SDK1: variants seen among roughly 807,000 people sequenced by gnomAD.
SDK1 encodes sidekick cell adhesion molecule 1.
In SDK1, 157 loss-of-function variants were observed where a neutral mutation model predicts 245.5. The observed-to-expected ratio is 0.64, with a 90% CI of 0.56 to 0.73. The LOEUF (loss-of-function observed/expected upper bound fraction) is 0.73. SDK1 is among the 30% of genes least tolerant of loss of function. The pLI is 0.00. For synonymous variants in SDK1, 1,647 were observed against 1,278.5 expected (o/e 1.29, Z -6.15); for missense variants, 3,583 against 3,002.3 (o/e 1.19, Z -4.52).
chr7:3,513,451 T>G (rs1409578957), intron 1 of SDK1, among the ~76,000 whole-genome samples: 1 of 152,160 alleles, frequency 6.6e-6, no homozygotes, highest in Non-Finnish European at 1.5e-5. Context: ...TATCAACTTT[T>G]TGGATGATGT....
chr7:3,692,670 G>T (rs1784467676), intron 4 of SDK1, among the ~76,000 whole-genome samples: 1 of 151,432 alleles, frequency 6.6e-6, no homozygotes, highest in Middle Eastern at 3.2e-3. Flanking sequence ...GGAATTACTT[G>T]GTCAAAGGGT....
chr7:3,826,990 T>C (rs556468879), intron 5 of SDK1, among the ~76,000 whole-genome samples: 2 of 152,242 alleles, frequency 1.3e-5, no homozygotes, highest in South Asian at 2.1e-4. Context: ...ACCGGATGGT[T>C]TCTATTGCCC....
chr7:3,969,966 A>G (rs1283072067), intron 11 of SDK1, among the ~76,000 whole-genome samples: 1 of 152,244 alleles, frequency 6.6e-6, no homozygotes, highest in East Asian at 1.9e-4. Context: ...GAGTGAACTG[A>G]AAGAAAATCT....
At chr7:3,557,673 T>C (rs780179237) in intron 1 of SDK1, among the ~76,000 whole-genome samples, 2 of 152,240 alleles carry the variant, frequency 1.3e-5, no homozygotes, top group East Asian at 1.9e-4. Context: ...AATGTTGCCA[T>C]TGGGGATAAC....
At chr7:3,989,494 C>G (rs1407077225) in intron 14 of SDK1, among the ~76,000 whole-genome samples, 3 of 152,182 alleles carry the variant, frequency 2.0e-5, no homozygotes, top group African/African-American at 4.8e-5. Flanking sequence ...CTGAGCCTCC[C>G]CCAGGCAGAG....
At chr7:3,304,388 G>GT (rs936830009) in intron 1 of SDK1, among the ~76,000 whole-genome samples, 4 of 152,222 alleles carry the variant, frequency 2.6e-5, no homozygotes, top group Admixed American at 6.5e-5. Context: ...GGCTAAAGAT[G>GT]TATAAGCAGT....
At chr7:3,469,494 A>G (rs937763735) in intron 1 of SDK1, among the ~76,000 whole-genome samples, 3 of 152,128 alleles carry the variant, frequency 2.0e-5, no homozygotes, top group African/African-American at 7.2e-5. Flanking sequence ...GAGGTGATGT[A>G]CACTTCTTTA....
intron 44 of SDK1, among the ~76,000 whole-genome samples, chr7:4,249,992 C>G (rs1009235829): frequency 2.2e-4 from 34 of 152,174 alleles, no homozygotes; most frequent in Admixed American, 8.5e-4. Flanking sequence ...CCATCAGCCC[C>G]CAAAACACCC....
At chr7:4,250,210 T>C (rs1787202964) in intron 44 of SDK1, among the ~76,000 whole-genome samples, 1 of 152,234 alleles carries the variant, frequency 6.6e-6, no homozygotes, top group African/African-American at 2.4e-5. Flanking sequence ...TTGAACCACT[T>C]TTACGAAGTA....
At position 3,441,236 on chromosome 7, in the gene SDK1, G is replaced by C. The variant is rs541306038; in HGVS notation, c.298+139352G>C. Among the ~76,000 whole-genome samples, 16 of 151,950 alleles carry C rather than the reference G, an allele frequency of 1.1e-4. No homozygotes were observed. The East Asian group carries it at 2.7e-3, about 26-fold the overall frequency. ...TATTTTATGATTTATAAATTAAACT[G>C]TATCATAGGTAAATATGAATAGGAA... On this transcript the variant is annotated intron_variant, in intron 1 of 44. Coordinates refer to ENST00000404826, the MANE Select transcript of SDK1 (RefSeq NM_152744.4).
intron 4 of SDK1, among the ~76,000 whole-genome samples, chr7:3,740,824 T>G (rs1168481587): frequency 2.0e-5 from 3 of 152,246 alleles, no homozygotes; most frequent in Admixed American, 6.5e-5. Context: ...TCACAATTTT[T>G]GTCCATGTTC....
In SDK1 at chr7:4,266,893, G is replaced by T. The variant is rs1788505030; in HGVS notation, c.*1509G>T. The T allele has an allele frequency of 3.0e-6, 3 of 985,520 alleles. No homozygotes were observed. In the African/African-American group the frequency reaches 5.2e-5, roughly 17 times the overall value. 61.0% of individuals were successfully genotyped at this position (985,520 alleles called of 1,614,324 possible). A position where few individuals can be genotyped will look rare whatever the true frequency, so the allele number is the denominator to read the frequency against. ...CCCCCAGTGCACGGCAAACGGGCAG[G>T]TGCCGTTCCCCCAGTGACCTGAGGG... is the stretch of plus-strand genomic sequence containing the variant. On this transcript the variant is annotated 3_prime_UTR_variant, in exon 45 of 45. Coordinates refer to ENST00000404826, the MANE Select transcript of SDK1 (RefSeq NM_152744.4).
At chr7:3,974,672 G>A (rs1782765762) in intron 13 of SDK1, 127 bp downstream of exon 13, 11 of 750,044 alleles carry the variant, frequency 1.5e-5, no homozygotes, top group South Asian at 5.8e-5. Flanking sequence ...AGAGGCCAGC[G>A]CATCATGCTG....
At chr7:4,246,372 G>A (rs1181616084) in intron 44 of SDK1, among the ~76,000 whole-genome samples, 1 of 152,118 alleles carries the variant, frequency 6.6e-6, no homozygotes, top group African/African-American at 2.4e-5. Context: ...GGGAAGATCA[G>A]TAACTTTCCC....
rs116374029 is a variant in SDK1, at chr7:3,834,430, G to A, written c.847+12847G>A. On this transcript the variant is annotated intron_variant, in intron 5 of 44. Transcript: ENST00000404826. ...AGGGAGTTGTGTAGAAGAAGCTTCC[G>A]AAGCACAGGCAAGGGAACGATGAAT... Among the ~76,000 whole-genome samples, 1,306 of 152,304 alleles carry A rather than the reference G, an allele frequency of 8.6e-3. 23 individuals are homozygous for A. The highest frequency in any genetic ancestry group is 0.03 in the African/African-American group (1,234 of 41,570).
chr7:3,370,403 C>A (rs1033924379), intron 1 of SDK1, among the ~76,000 whole-genome samples: 1 of 152,184 alleles, frequency 6.6e-6, no homozygotes, highest in African/African-American at 2.4e-5. Context: ...ATCTTGACTT[C>A]ACAGTGGTGT....
At chr7:3,882,727 CT>C (rs1346304186) in intron 5 of SDK1, among the ~76,000 whole-genome samples, 39 of 147,646 alleles carry the variant, frequency 2.6e-4, no homozygotes, top group Non-Finnish European at 2.7e-4. Flanking sequence ...AATGAGCCTT[CT>C]TTTTTTTTTT....
intron 4 of SDK1, among the ~76,000 whole-genome samples, chr7:3,773,698 T>G (rs1780467930): frequency 6.6e-6 from 1 of 152,194 alleles, no homozygotes; most frequent in Non-Finnish European, 1.5e-5. Flanking sequence ...GTTTGCTGTT[T>G]TTGTTTTTTG....
chr7:4,130,323 C>T (rs571491158), intron 27 of SDK1: 217 of 566,264 alleles, frequency 3.8e-4, no homozygotes, highest in Non-Finnish European at 4.6e-4. Context: ...ACTGAGTTTC[C>T]CTCATAACTC....
Sources: gnomAD v4.1 joint callset for allele counts (sites outside exome capture counted in the v4.1 genomes callset) on GRCh38, gnomAD v4.1.1 for gene constraint, MANE v1.5 for transcripts, NCBI Gene and HGNC (gene_info 2026-07-23, HGNC 2026-07-21) for gene names.